The following SYCP1 variants were observed in gnomAD, a reference collection of about 807,000 sequenced individuals.
SYCP1 encodes cancer/testis antigen 8.
Under a neutral mutation model 153.1 loss-of-function variants are expected in SYCP1, and 64 were observed. The ratio of observed to expected loss-of-function variants is 0.42; its 90% CI spans 0.34 to 0.51. The LOEUF (loss-of-function observed/expected upper bound fraction) is 0.51. SYCP1 is among the 20% of genes least tolerant of loss of function. SYCP1 has a pLI of 0.06. For synonymous variants in SYCP1, 384 were observed against 341.8 expected (o/e 1.12, Z -1.36); for missense variants, 997 against 1,049.0 (o/e 0.95, Z 0.68).
intron 23 of SYCP1, among the ~76,000 whole-genome samples, chr1:114,926,775 C>G (rs1326351498): frequency 1.3e-5 from 2 of 151,974 alleles, no homozygotes; most frequent in African/African-American, 4.8e-5. Flanking sequence ...CACATATATT[C>G]TTAAGCTTGG....
intron 27 of SYCP1, among the ~76,000 whole-genome samples, chr1:114,967,124 G>A (rs927645252): frequency 1.6e-4 from 24 of 152,174 alleles, no homozygotes; most frequent in African/African-American, 5.5e-4. Context: ...TAAGTGCTAT[G>A]CGGTGCTGAG....
At chr1:114,927,803 G>C (rs1669354522) in intron 23 of SYCP1, among the ~76,000 whole-genome samples, 1 of 151,932 alleles carries the variant, frequency 6.6e-6, no homozygotes, top group South Asian at 2.1e-4. Flanking sequence ...AGTAAGAAGA[G>C]AGAGAGAATA....
intron 15 of SYCP1, among the ~76,000 whole-genome samples, chr1:114,891,709 T>C (rs1570712375): frequency 6.6e-6 from 1 of 152,210 alleles, no homozygotes; most frequent in Non-Finnish European, 1.5e-5. Flanking sequence ...CAATTTGGTA[T>C]GTAACAGATT....
At chr1:114,953,189 A>G (rs1478690382) in intron 27 of SYCP1, among the ~76,000 whole-genome samples, 3 of 152,240 alleles carry the variant, frequency 2.0e-5, no homozygotes. Context: ...CCAAATTTCA[A>G]CATGAGTTTT....
At chr1:114,985,119 C>T (rs372894890) in intron 30 of SYCP1, among the ~76,000 whole-genome samples, 6 of 151,492 alleles carry the variant, frequency 4.0e-5, no homozygotes, top group South Asian at 2.1e-4. Context: ...AATGGGCATA[C>T]GATATGATTA....
In SYCP1 at chr1:114,876,154, T is replaced by G; in HGVS notation, c.727+16T>G. The G allele has an allele frequency of 6.7e-7, 1 of 1,496,854 alleles. No individual in the cohort carries two copies. Among genetic ancestry groups the G allele is most frequent in the Non-Finnish European group, 9.0e-7 (1 of 1,114,416 alleles). The allele number at this position is 1,496,854 out of a possible 1,614,324, so 92.7% of individuals were successfully genotyped here. ...CATTTTAAGTGTAGGTATAGGGATC[T>G]TACTTAATTTTTATATTACTGTTTT... On this transcript the variant is annotated intron_variant, in intron 10 of 31. Transcript: ENST00000369522.
rs755390839 is a variant in SYCP1 at position 114,914,065 on chromosome 1, C to G, written c.1718+20C>G. ...ATTAAGGCAAGACTAACAAATTGGC[C>G]TTTTTTTGTCTGGCAAAAGATTTTG... On this transcript the variant is annotated intron_variant, in intron 20 of 31. Transcript: ENST00000369522. 1.3e-6 allele frequency: 2 copies of G among 1,506,116 alleles called. No individual in the cohort carries two copies. Among genetic ancestry groups the G allele is most frequent in the Non-Finnish European group, 1.8e-6 (2 of 1,127,638 alleles). The allele number at this position is 1,506,116 out of a possible 1,614,324, so 93.3% of individuals were successfully genotyped here.
intron 27 of SYCP1, among the ~76,000 whole-genome samples, chr1:114,975,312 T>A (rs540452483): frequency 3.6e-4 from 52 of 145,962 alleles, no homozygotes; most frequent in Non-Finnish European, 5.9e-4. Flanking sequence ...CTACATATTT[T>A]CTTTCTTATT....
chr1:114,867,752 C>CT (rs1327435879), intron 8 of SYCP1, among the ~76,000 whole-genome samples: 1 of 151,360 alleles, frequency 6.6e-6, no homozygotes, highest in Non-Finnish European at 1.5e-5. Flanking sequence ...CATTTGTTTC[C>CT]TTTTTTTGTT....
intron 30 of SYCP1, among the ~76,000 whole-genome samples, chr1:114,990,899 G>A (rs951829922): frequency 6.6e-6 from 1 of 151,862 alleles, no homozygotes; most frequent in Non-Finnish European, 1.5e-5. Flanking sequence ...AGAGCTTCTG[G>A]ATAACTGAAC....
chr1:114,975,529 C>T (rs1672752167), intron 27 of SYCP1, among the ~76,000 whole-genome samples: 1 of 151,430 alleles, frequency 6.6e-6, no homozygotes, highest in South Asian at 2.1e-4. Context: ...AATGTATATT[C>T]TATTATTTCA....
chr1:114,870,878 AT>A (rs1276760796), intron 8 of SYCP1, among the ~76,000 whole-genome samples: 4 of 152,096 alleles, frequency 2.6e-5, no homozygotes. Flanking sequence ...ATATAGTTGG[AT>A]TATTATCTAC....
chr1:114,942,297 T>C (rs1052727281), intron 23 of SYCP1, among the ~76,000 whole-genome samples: 3 of 152,016 alleles, frequency 2.0e-5, no homozygotes, highest in African/African-American at 7.2e-5. Flanking sequence ...GCAACATACC[T>C]ATCTTTTAAG....
At chr1:114,979,637 C>T (rs1673024276) in intron 28 of SYCP1, among the ~76,000 whole-genome samples, 1 of 151,688 alleles carries the variant, frequency 6.6e-6, no homozygotes, top group South Asian at 2.1e-4. Flanking sequence ...AAAATTTTGT[C>T]ATCAACTATG....
intron 27 of SYCP1, among the ~76,000 whole-genome samples, chr1:114,950,192 C>T (rs1415464220): frequency 6.6e-6 from 1 of 152,190 alleles, no homozygotes; most frequent in African/African-American, 2.4e-5. Context: ...ACATCGTCTT[C>T]CCAGCCTCTC....
chr1:114,877,262 A>T (rs541815238), intron 11 of SYCP1, among the ~76,000 whole-genome samples: 1 of 152,278 alleles, frequency 6.6e-6, no homozygotes, highest in South Asian at 2.1e-4. Context: ...CAAGACACAG[A>T]TGTTTTTTAT....
At chr1:114,856,836 T>G (rs1663978675) in intron 3 of SYCP1, among the ~76,000 whole-genome samples, 179 bp downstream of exon 3, 1 of 136,026 alleles carries the variant, frequency 7.4e-6, no homozygotes, top group Non-Finnish European at 1.5e-5. Flanking sequence ...ATTCCAGCAC[T>G]GTGGGAGGGA....
intron 8 of SYCP1, among the ~76,000 whole-genome samples, chr1:114,870,000 G>A (rs1665008777): frequency 6.6e-6 from 1 of 152,014 alleles, no homozygotes; most frequent in Non-Finnish European, 1.5e-5. Flanking sequence ...TGACCCAAAA[G>A]CATTTTATTT....
chr1:114,979,824 T>C (rs1465729574), intron 28 of SYCP1, among the ~76,000 whole-genome samples: 1 of 151,812 alleles, frequency 6.6e-6, no homozygotes, highest in Non-Finnish European at 1.5e-5. Context: ...TACTTGAAGA[T>C]TTACTTAAAT....
Sources: gnomAD v4.1 joint callset for allele counts (sites outside exome capture counted in the v4.1 genomes callset) on GRCh38, gnomAD v4.1.1 for gene constraint, MANE v1.5 for transcripts, NCBI Gene and HGNC (gene_info 2026-07-23, HGNC 2026-07-21) for gene names.